The following MRPS23 variants were observed in gnomAD, a reference collection of about 807,000 sequenced individuals.
The protein encoded by MRPS23 is small ribosomal subunit protein mS23.
In MRPS23, 14 loss-of-function variants were observed where a neutral mutation model predicts 19.8. The ratio of observed to expected loss-of-function variants is 0.71; its 90% CI spans 0.47 to 1.11. The LOEUF is 1.11. Ranked by LOEUF, MRPS23 falls within the 50% of genes least tolerant of loss-of-function variation. The pLI is 0.00. For synonymous variants in MRPS23, 113 were observed against 89.7 expected, an observed-to-expected ratio of 1.26 and a Z score of -1.47; for missense variants, 242 against 236.7, an observed-to-expected ratio of 1.02 and a Z score of -0.15.
chr17:57,846,831 T>A (rs1320153312), intron 2 of MRPS23, among the ~76,000 whole-genome samples: 1 of 151,846 alleles, frequency 6.6e-6, no homozygotes, highest in African/African-American at 2.4e-5. Flanking sequence ...GTTCACATGT[T>A]TATCTGCTGA....
At chr17:57,845,454 T>C (rs994933079) in intron 2 of MRPS23, among the ~76,000 whole-genome samples, 3 of 152,134 alleles carry the variant, frequency 2.0e-5, no homozygotes, top group Admixed American at 1.3e-4. Flanking sequence ...GAATAAGGGA[T>C]GTGTATCAAA....
chr17:57,841,465 C>A (rs2073739648), intron 2 of MRPS23, among the ~76,000 whole-genome samples: 1 of 152,146 alleles, frequency 6.6e-6, no homozygotes, highest in African/African-American at 2.4e-5. Context: ...AAAGGGTGGC[C>A]AGTGAAAAGT....
intron 2 of MRPS23, 101 bp downstream of exon 2, chr17:57,849,139 A>G: frequency 6.8e-7 from 1 of 1,479,156 alleles, no homozygotes; most frequent in Non-Finnish European, 9.2e-7. Flanking sequence ...CCACAGGGCA[A>G]ACCCCTGACT....
intron 2 of MRPS23, among the ~76,000 whole-genome samples, chr17:57,841,642 C>A (rs1167493175): frequency 6.6e-6 from 1 of 152,220 alleles, no homozygotes; most frequent in Non-Finnish European, 1.5e-5. Flanking sequence ...AATAGTAAAC[C>A]TTGCTCTACA....
chr17:57,849,205 G>A (rs779889433), intron 2 of MRPS23, 35 bp downstream of exon 2: 4 of 1,595,084 alleles, frequency 2.5e-6, no homozygotes, highest in Middle Eastern at 1.7e-4. Context: ...CTGAAGTTCT[G>A]TTGCCTCCTG....
chr17:57,849,735 G>T, intron 1 of MRPS23: 2 of 616,368 alleles, frequency 3.2e-6, no homozygotes, highest in Non-Finnish European at 5.6e-6. Flanking sequence ...CCTCCACTCG[G>T]GGAGAGGCAG....
Position 57,838,967 on chromosome 17 carries a change from G to A in MRPS23, c.*816C>T, listed in dbSNP as rs1234109019. 1.3e-5 allele frequency: 2 copies of A among 152,254 alleles called. No homozygotes were observed. Among genetic ancestry groups the A allele is most frequent in the African/African-American group, 2.4e-5 (1 of 41,456 alleles). 9.4% of individuals were successfully genotyped at this position (152,254 alleles called of 1,614,324 possible). ...TGTATTTAGTAAAACCTGGGGAAAC[G>A]AGGAAGGCAGGGAAGTTGATAAGGA... is the stretch of plus-strand genomic sequence containing the variant. On this transcript the variant is annotated 3_prime_UTR_variant, in exon 5 of 5. Transcript: ENST00000313608.
chr17:57,839,166 T>A lies in MRPS23; in HGVS notation c.*617A>T, dbSNP rs2073725265. The A allele has an allele frequency of 6.6e-6, 1 of 152,328 alleles. No individual in the cohort carries two copies. The highest frequency in any genetic ancestry group is 1.5e-5 in the Non-Finnish European group (1 of 68,094). 9.4% of individuals were successfully genotyped at this position (152,328 alleles called of 1,614,324 possible). On this transcript the variant is annotated 3_prime_UTR_variant, in exon 5 of 5. Coordinates refer to ENST00000313608, the MANE Select transcript of MRPS23 (RefSeq NM_016070.4). Reference sequence around the variant, plus strand: ...TTCAACAAGTATTTACTGAACAGCCTAGTCTGTGCAGGCCTATGTTAACTG... The same window carrying A: ...TTCAACAAGTATTTACTGAACAGCCAAGTCTGTGCAGGCCTATGTTAACTG...
chr17:57,846,298 G>T (rs1217263385), intron 2 of MRPS23, among the ~76,000 whole-genome samples: 1 of 5,536 alleles, frequency 1.8e-4, no homozygotes, highest in Non-Finnish European at 1.5e-3. Context: ...GGAGGGAGGT[G>T]GGGGGCACCC....
rs1271189162 is a variant in MRPS23, at chr17:57,849,478, GCA to G, written c.45-70_45-69del. The G allele has an allele frequency of 1.3e-5, 20 of 1,563,454 alleles. No individual in the cohort carries two copies. In the Admixed American group the frequency reaches 3.1e-4, roughly 24 times the overall value. On this transcript the variant is annotated intron_variant, in intron 1 of 4. Transcript: ENST00000313608. ...CTGCCAAAGCCCCTGAATCAGTCTA[GCA>G]CAGTTTGGGACATTAAAGGTATTAT...
chr17:57,840,771 A>G, intron 4 of MRPS23, 155 bp downstream of exon 4: 1 of 780,616 alleles, frequency 1.3e-6, no homozygotes, highest in South Asian at 2.1e-5. Flanking sequence ...ATATGGGAGG[A>G]TATGTGTAGG....
rs571025371 is a variant in MRPS23 at position 57,839,661 on chromosome 17, A to ATAAC, written c.*121_*122insGTTA. On this transcript the variant is annotated 3_prime_UTR_variant, in exon 5 of 5. Coordinates refer to ENST00000313608, the MANE Select transcript of MRPS23 (RefSeq NM_016070.4). ...TTGTGACAACCCAGAAATAACTAAGAGAAGGCAAACATAATACCTTAGAGA... is the reference window on the plus strand; with the variant it reads ...TTGTGACAACCCAGAAATAACTAAGATAACGAAGGCAAACATAATACCTTAGAGA... The ATAAC allele has an allele frequency of 0.012, 15,364 of 1,250,020 alleles. 113 individuals are homozygous for ATAAC. Among genetic ancestry groups the ATAAC allele is most frequent in the Non-Finnish European group, 0.014 (13,174 of 923,552 alleles). 77.4% of individuals were successfully genotyped at this position (1,250,020 alleles called of 1,614,324 possible).
intron 2 of MRPS23, among the ~76,000 whole-genome samples, chr17:57,842,885 TATATATACACACACACACAC>T (rs1477013047): frequency 9.2e-5 from 10 of 109,272 alleles, no homozygotes; most frequent in Non-Finnish European, 1.5e-4. Context: ...AAAAAATATA[TATATATACACACACACACAC>T]ACACACACAC....
intron 2 of MRPS23, chr17:57,848,892 T>C (rs1034141451): frequency 1.1e-5 from 2 of 182,044 alleles, no homozygotes; most frequent in African/African-American, 2.4e-5. Flanking sequence ...CGCAGTCTCC[T>C]TGAATAAAAT....
At chr17:57,846,522 C>T (rs553321312) in intron 2 of MRPS23, among the ~76,000 whole-genome samples, 2,888 of 152,262 alleles carry the variant, frequency 0.019, 47 homozygotes, top group Middle Eastern at 0.061. Flanking sequence ...GTTACTGTGT[C>T]TGTGTGGAAA....
intron 2 of MRPS23, among the ~76,000 whole-genome samples, chr17:57,842,555 T>C (rs2073745526): frequency 6.6e-6 from 1 of 152,208 alleles, no homozygotes; most frequent in African/African-American, 2.4e-5. Context: ...ATAATTTTAG[T>C]GCACTACGTA....
intron 2 of MRPS23, among the ~76,000 whole-genome samples, chr17:57,842,589 C>T (rs915425495): frequency 2.0e-5 from 3 of 152,152 alleles, no homozygotes; most frequent in Non-Finnish European, 2.9e-5. Context: ...CATAAATTCA[C>T]AAATGTGGTA....
chr17:57,846,218 C>CTG, intron 2 of MRPS23, among the ~76,000 whole-genome samples: 1 of 143,682 alleles, frequency 7.0e-6, no homozygotes, highest in East Asian at 1.9e-4. Flanking sequence ...GGGGCAGCCC[C>CTG]CGCCTGGCCA....
intron 2 of MRPS23, among the ~76,000 whole-genome samples, chr17:57,846,777 C>T (rs546903619): frequency 1.3e-4 from 20 of 152,124 alleles, no homozygotes; most frequent in Admixed American, 5.9e-4. Flanking sequence ...ACAAACACTG[C>T]GGAAGAACGC....
Sources: gnomAD v4.1 joint callset for allele counts (sites outside exome capture counted in the v4.1 genomes callset) on GRCh38, gnomAD v4.1.1 for gene constraint, MANE v1.5 for transcripts, NCBI Gene and HGNC (gene_info 2026-07-23, HGNC 2026-07-21) for gene names.